Variants in GRM1 observed in about 807,000 individuals in gnomAD.
GRM1 encodes the protein glutamate metabotropic receptor 1.
In GRM1, 33 loss-of-function variants were observed where a neutral mutation model predicts 90.9. That is an observed-to-expected ratio of 0.36 (90% CI 0.28 to 0.49). The LOEUF is 0.49. GRM1 is among the 20% of genes least tolerant of loss of function. The probability of loss-of-function intolerance (pLI) is 0.99; values close to 1 mark genes in which losing one functional copy is unlikely to be tolerated. For missense variants in GRM1, 1,190 were observed against 1,534.3 expected (o/e 0.78, Z 3.75); for synonymous variants, 700 against 613.2 (o/e 1.14, Z -2.09).
At chr6:146,389,076 A>G (rs1460169793) in intron 6 of GRM1, among the ~76,000 whole-genome samples, 1 of 151,720 alleles carries the variant, frequency 6.6e-6, no homozygotes, top group Non-Finnish European at 1.5e-5. Context: ...TTTGTATCCT[A>G]CTTCATGGTG....
intron 5 of GRM1, among the ~76,000 whole-genome samples, chr6:146,368,466 A>T (rs934950702): frequency 6.6e-6 from 1 of 152,066 alleles, no homozygotes; most frequent in Non-Finnish European, 1.5e-5. Flanking sequence ...TAGAAGAAAA[A>T]GATTTCAATT....
intron 1 of GRM1, among the ~76,000 whole-genome samples, chr6:146,037,601 C>G (rs1328527553): frequency 6.6e-6 from 1 of 151,842 alleles, no homozygotes; most frequent in African/African-American, 2.4e-5. Flanking sequence ...TAGGAGATTC[C>G]TCTTCTGAAA....
chr6:146,386,867 T>A, intron 5 of GRM1, 23 bp from the exon 6 acceptor site: 1 of 1,591,974 alleles, frequency 6.3e-7, no homozygotes, highest in Non-Finnish European at 8.6e-7. Context: ...ATCTTTAAAA[T>A]TCATGAAATA....
At position 146,434,273 on chromosome 6, in the gene GRM1, A is replaced by C; in HGVS notation, c.3062A>C (p.Gln1021Pro). 6.2e-7 allele frequency: 1 copy of C among 1,600,774 alleles called. No individual in the cohort carries two copies. Among genetic ancestry groups the C allele is most frequent in the Non-Finnish European group, 8.5e-7 (1 of 1,171,704 alleles). Reference sequence around the variant, plus strand: ...TTGCCCCCTCCTCTCCAGCAGCAGCAGCAACCCCCTCCACAGCAGAAATCG... The same window carrying C: ...TTGCCCCCTCCTCTCCAGCAGCAGCCGCAACCCCCTCCACAGCAGAAATCG... ...KGLPPPLQQQ[Q>P]QPPPQQKSLM... The change falls in exon 8 of 8, where the codon CAG becomes CCG. Residue 1021 changes from glutamine (Q) to proline (P), a missense_variant. Gln to Pro is a moderately conservative substitution (Grantham distance 76, BLOSUM62 -1). Coordinates refer to ENST00000282753, the MANE Select transcript of GRM1 (RefSeq NM_001278064.2).
Position 146,433,903 on chromosome 6 carries a change from C to T in GRM1, c.2692C>T (p.Pro898Ser), listed in dbSNP as rs2114697081. 1 of 1,613,582 alleles carries T rather than the reference C, an allele frequency of 6.2e-7. No homozygotes were observed. The highest frequency in any genetic ancestry group is 2.2e-5 in the East Asian group (1 of 44,862). Residue 898 changes from proline to serine, a missense_variant, in exon 8 of 8, where the codon CCA becomes TCA. By Grantham distance (74) the Pro-to-Ser change is moderately conservative. Coordinates refer to ENST00000282753, the MANE Select transcript of GRM1 (RefSeq NM_001278064.2). ...SNGKSVSWSEPGGGQVPKGQH... is the reference protein window; with the variant it reads ...SNGKSVSWSESGGGQVPKGQH... ...TGGCAAGTCTGTGTCATGGTCTGAA[C>T]CAGGTGGAGGACAGGTGCCCAAGGG...
In GRM1 at chr6:146,230,768, G is replaced by A. The variant is rs1014529719; in HGVS notation, c.950+71171G>A. On this transcript the variant is annotated intron_variant, in intron 2 of 7. Transcript: ENST00000282753. ...ACCAAATCTTGGAAGCAATCAAGATGTCTTTTGTAGTGAATGAATAAACTG... is the reference window on the plus strand; with the variant it reads ...ACCAAATCTTGGAAGCAATCAAGATATCTTTTGTAGTGAATGAATAAACTG... 4.6e-5 allele frequency among the ~76,000 whole-genome samples: 7 copies of A among 152,140 alleles called. No homozygotes were observed. In the East Asian group the frequency reaches 9.6e-4, roughly 21 times the overall value.
chr6:146,290,036 G>T (rs1358128831), intron 2 of GRM1, among the ~76,000 whole-genome samples: 1 of 152,212 alleles, frequency 6.6e-6, no homozygotes, highest in African/African-American at 2.4e-5. Context: ...TTTGGGAAAT[G>T]CTCAGCCTGT....
intron 2 of GRM1, among the ~76,000 whole-genome samples, chr6:146,162,988 A>G (rs1041451671): frequency 6.6e-6 from 1 of 152,148 alleles, no homozygotes; most frequent in Admixed American, 6.5e-5. Flanking sequence ...CCTAGAATTT[A>G]TAATATATTA....
At chr6:146,317,010 G>T (rs907694927) in intron 3 of GRM1, among the ~76,000 whole-genome samples, 1 of 152,136 alleles carries the variant, frequency 6.6e-6, no homozygotes, top group African/African-American at 2.4e-5. Flanking sequence ...TACAATTCTT[G>T]TTAGACAAGC....
intron 3 of GRM1, among the ~76,000 whole-genome samples, chr6:146,305,053 TG>T (rs766669142): frequency 2.7e-5 from 4 of 150,156 alleles, no homozygotes; most frequent in African/African-American, 7.4e-5. Flanking sequence ...TGGTCTCTGT[TG>T]GAGCAAGTGA....
At chr6:146,422,056 G>C (rs1778015538) in intron 7 of GRM1, among the ~76,000 whole-genome samples, 1 of 152,024 alleles carries the variant, frequency 6.6e-6, no homozygotes, top group African/African-American at 2.4e-5. Context: ...GATTACTTTG[G>C]ACAGCTGCTG....
chr6:146,156,835 C>G (rs907364580), intron 1 of GRM1, among the ~76,000 whole-genome samples: 6 of 152,138 alleles, frequency 3.9e-5, no homozygotes, highest in Non-Finnish European at 8.8e-5. Context: ...GAGAAAAAGA[C>G]AGAAATAAAA....
intron 5 of GRM1, chr6:146,365,219 T>C (rs981687309): frequency 1.4e-5 from 2 of 145,036 alleles, no homozygotes; most frequent in African/African-American, 2.7e-5. Flanking sequence ...TAGTGTCTTG[T>C]TGTGAATGTA....
chr6:146,349,880 A>T (rs1226201451), intron 3 of GRM1, among the ~76,000 whole-genome samples: 1 of 152,182 alleles, frequency 6.6e-6, no homozygotes, highest in African/African-American at 2.4e-5. Flanking sequence ...ACGTGTGTCT[A>T]TACATACATA....
intron 3 of GRM1, among the ~76,000 whole-genome samples, chr6:146,349,996 CCTGT>C (rs1785337088): frequency 6.6e-6 from 1 of 152,174 alleles, no homozygotes; most frequent in Non-Finnish European, 1.5e-5. Context: ...CTTATTTACA[CCTGT>C]GTTCTCAAAA....
intron 5 of GRM1, among the ~76,000 whole-genome samples, chr6:146,372,711 G>C (rs1276141747): frequency 6.6e-6 from 1 of 151,986 alleles, no homozygotes; most frequent in Non-Finnish European, 1.5e-5. Flanking sequence ...ATTTATTAAA[G>C]ATGATGTCTT....
chr6:146,339,096 A>G (rs553742819), intron 3 of GRM1, among the ~76,000 whole-genome samples: 3 of 152,208 alleles, frequency 2.0e-5, no homozygotes, highest in East Asian at 3.9e-4. Flanking sequence ...GCAATTTTCC[A>G]AATGGAAATG....
At chr6:146,272,569 A>G (rs1346374997) in intron 2 of GRM1, among the ~76,000 whole-genome samples, 2 of 152,218 alleles carry the variant, frequency 1.3e-5, no homozygotes, top group Admixed American at 1.3e-4. Flanking sequence ...TATGATCAAT[A>G]CAGTACATTA....
chr6:146,123,760 C>A (rs1409615001), intron 1 of GRM1, among the ~76,000 whole-genome samples: 3 of 152,186 alleles, frequency 2.0e-5, no homozygotes, highest in Non-Finnish European at 4.4e-5. Context: ...TACCAGCAAT[C>A]TGATCCCATC....
Sources: allele counts gnomAD v4.1 joint callset (sites outside exome capture counted in the v4.1 genomes callset), GRCh38; gene constraint gnomAD v4.1.1; transcripts MANE v1.5; gene names NCBI Gene and HGNC (gene_info 2026-07-23, HGNC 2026-07-21).